LARGE1: variants seen among roughly 807,000 people sequenced by gnomAD.
LARGE1 encodes the protein LARGE xylosyl- and glucuronyltransferase 1.
In LARGE1, 43 loss-of-function variants were observed where a neutral mutation model predicts 87.6. The ratio of observed to expected loss-of-function variants is 0.49; its 90% CI spans 0.38 to 0.63. The LOEUF (loss-of-function observed/expected upper bound fraction) is 0.63, where lower values mean the gene tolerates loss of function less well. Ranked by LOEUF, LARGE1 falls within the 30% of genes least tolerant of loss-of-function variation. The pLI is 0.00. For synonymous variants in LARGE1, 434 were observed against 394.6 expected (o/e 1.10, Z -1.18); for missense variants, 802 against 1,000.2 (o/e 0.80, Z 2.67).
chr22:33,827,937 C>A (rs759613954), intron 1 of LARGE1, among the ~76,000 whole-genome samples: 2 of 152,112 alleles, frequency 1.3e-5, no homozygotes, highest in Non-Finnish European at 2.9e-5. Context: ...GGCTGAGAAG[C>A]ACAGTTTGAA....
At chr22:33,456,441 C>T (rs577883660) in intron 6 of LARGE1, among the ~76,000 whole-genome samples, 5 of 152,278 alleles carry the variant, frequency 3.3e-5, no homozygotes, top group Middle Eastern at 3.4e-3. Flanking sequence ...TAACAGTTTT[C>T]GAAACAAAGT....
At chr22:33,226,854 C>T (rs1005888942) in intron 11 of LARGE1, among the ~76,000 whole-genome samples, 29 of 152,144 alleles carry the variant, frequency 1.9e-4, no homozygotes, top group Admixed American at 5.9e-4. Context: ...CTCAGCCTCC[C>T]GAGTAGCTGG....
intron 4 of LARGE1, among the ~76,000 whole-genome samples, chr22:33,611,307 C>A (rs547610077): frequency 6.6e-6 from 1 of 152,258 alleles, no homozygotes; most frequent in African/African-American, 2.4e-5. Flanking sequence ...GCTGCAGGGG[C>A]TGTACACTGC....
intron 7 of LARGE1, among the ~76,000 whole-genome samples, chr22:33,428,089 G>C (rs1317324017): frequency 6.6e-6 from 1 of 152,092 alleles, no homozygotes; most frequent in Non-Finnish European, 1.5e-5. Flanking sequence ...ATACTTACTC[G>C]TTCTTTCTGA....
At chr22:33,207,325 C>A (rs146694816) in intron 11 of LARGE1, among the ~76,000 whole-genome samples, 18 of 152,322 alleles carry the variant, frequency 1.2e-4, no homozygotes, top group Non-Finnish European at 1.8e-4. Context: ...GGCAAAAGCA[C>A]TTTTACTTCG....
At chr22:33,337,527 T>C (rs562520977) in intron 10 of LARGE1, 119 bp downstream of exon 10, 14 of 1,189,728 alleles carry the variant, frequency 1.2e-5, no homozygotes, top group Middle Eastern at 5.2e-4. Context: ...TGGGCACCGA[T>C]GGCGTTGTGT....
intron 1 of LARGE1, among the ~76,000 whole-genome samples, chr22:33,878,416 A>C (rs552673815): frequency 3.9e-5 from 6 of 152,152 alleles, no homozygotes; most frequent in South Asian, 4.2e-4. Flanking sequence ...GGCATGAGCC[A>C]CCATACCCGG....
chr22:33,654,509 G>A (rs868519304), intron 2 of LARGE1, among the ~76,000 whole-genome samples: 9 of 152,100 alleles, frequency 5.9e-5, no homozygotes, highest in Non-Finnish European at 1.2e-4. Context: ...GCTCATTCTC[G>A]TTTTATTCAT....
intron 11 of LARGE1, among the ~76,000 whole-genome samples, chr22:33,308,322 C>T (rs1034914859): frequency 6.6e-6 from 1 of 152,158 alleles, no homozygotes; most frequent in Admixed American, 6.5e-5. Flanking sequence ...TGGTGCACTG[C>T]CCATGAGGCA....
At chr22:33,569,420 A>G (rs914869558) in intron 5 of LARGE1, among the ~76,000 whole-genome samples, 1 of 152,214 alleles carries the variant, frequency 6.6e-6, no homozygotes, top group Non-Finnish European at 1.5e-5. Context: ...CCAGTCCTGA[A>G]TGTCACTCCA....
chr22:33,694,534 G>T (rs1327367520), intron 2 of LARGE1, among the ~76,000 whole-genome samples: 2 of 152,040 alleles, frequency 1.3e-5, no homozygotes. Context: ...GGCAGAATCT[G>T]GTGGAATATT....
intron 2 of LARGE1, among the ~76,000 whole-genome samples, chr22:33,689,206 C>T (rs1569373378): frequency 6.6e-6 from 1 of 151,432 alleles, no homozygotes; most frequent in African/African-American, 2.4e-5. Context: ...TGTGTACACA[C>T]ATGTGTGTCA....
At chr22:33,700,719 C>T (rs2082382375) in intron 2 of LARGE1, among the ~76,000 whole-genome samples, 1 of 152,088 alleles carries the variant, frequency 6.6e-6, no homozygotes, top group African/African-American at 2.4e-5. Flanking sequence ...GTAGGAAACC[C>T]ATAAGTAGGC....
chr22:33,414,843 C>T (rs1373869014), intron 7 of LARGE1, among the ~76,000 whole-genome samples: 1 of 152,166 alleles, frequency 6.6e-6, no homozygotes, highest in Admixed American at 6.5e-5. Context: ...TCCCTTTCAC[C>T]ATGTGAAGGC....
At chr22:33,513,918 A>G (rs1051279955) in intron 6 of LARGE1, among the ~76,000 whole-genome samples, 1 of 151,758 alleles carries the variant, frequency 6.6e-6, no homozygotes, top group African/African-American at 2.4e-5. Flanking sequence ...TAAGATTATG[A>G]CGTTGCATTT....
At chr22:33,152,867 T>A in the LARGE1 span, among the ~76,000 whole-genome samples, 1 of 152,168 alleles carries the variant, frequency 6.6e-6, no homozygotes, top group Non-Finnish European at 1.5e-5. Context: ...TTTATTTTGT[T>A]ATTATTTTTT....
chr22:33,449,081 T>C (rs2067807873), intron 6 of LARGE1, among the ~76,000 whole-genome samples: 1 of 152,236 alleles, frequency 6.6e-6, no homozygotes, highest in South Asian at 2.1e-4. Flanking sequence ...TGTGTATTAA[T>C]ACTGCCTTCC....
chr22:33,750,177 G>A (rs937311835), intron 2 of LARGE1, among the ~76,000 whole-genome samples: 7 of 152,126 alleles, frequency 4.6e-5, no homozygotes, highest in African/African-American at 1.4e-4. Flanking sequence ...CTATGTAAAC[G>A]ACAGTGCAGG....
intron 1 of LARGE1, among the ~76,000 whole-genome samples, chr22:33,773,099 T>C (rs897553269): frequency 1.3e-5 from 2 of 152,104 alleles, no homozygotes; most frequent in Non-Finnish European, 2.9e-5. Flanking sequence ...CTTTGGTAAC[T>C]TTCTCTCCTT....
Sources: gnomAD v4.1 joint callset for allele counts (sites outside exome capture counted in the v4.1 genomes callset) on GRCh38, gnomAD v4.1.1 for gene constraint, MANE v1.5 for transcripts, NCBI Gene and HGNC (gene_info 2026-07-23, HGNC 2026-07-21) for gene names.